WWOX: variants seen among roughly 807,000 people sequenced by gnomAD.
WWOX encodes WW domain-containing oxidoreductase.
Under a neutral mutation model 46.2 loss-of-function variants are expected in WWOX, and 69 were observed. That is an observed-to-expected ratio of 1.49 (90% CI 1.23 to 1.82). The LOEUF (loss-of-function observed/expected upper bound fraction) is 1.82. Ranked by LOEUF, WWOX falls within the 40% of genes most tolerant of loss-of-function variation. The pLI, the probability that WWOX is intolerant of heterozygous loss-of-function variation, is 0.00. For missense variants in WWOX, 919 were observed against 542.6 expected, an observed-to-expected ratio of 1.69 and a Z score of -6.89; for synonymous variants, 359 against 202.6, an observed-to-expected ratio of 1.77 and a Z score of -6.56.
At chr16:78,494,186 T>C (rs985004951) in intron 8 of WWOX, among the ~76,000 whole-genome samples, 1 of 152,104 alleles carries the variant, frequency 6.6e-6, no homozygotes, top group Non-Finnish European at 1.5e-5. Context: ...CAAACAGATC[T>C]CAGGAGAACT....
chr16:78,766,010 A>C (rs542976285), intron 8 of WWOX, among the ~76,000 whole-genome samples: 1 of 152,318 alleles, frequency 6.6e-6, no homozygotes, highest in Non-Finnish European at 1.5e-5. Context: ...GGAGAGACCC[A>C]AGTCTGCACA....
At chr16:78,424,123 T>TTTTTTTTTTTTTTTTTTTTG (rs1567564609) in intron 6 of WWOX, among the ~76,000 whole-genome samples, 2 of 118,128 alleles carry the variant, frequency 1.7e-5, no homozygotes, top group African/African-American at 6.8e-5. Flanking sequence ...TTTTTTTGTT[T>TTTTTTTTTTTTTTTTTTTTG]TTTTTTTTTT....
chr16:78,556,955 G>A (rs538586049), intron 8 of WWOX, among the ~76,000 whole-genome samples: 21 of 152,130 alleles, frequency 1.4e-4, no homozygotes, highest in African/African-American at 5.1e-4. Context: ...TTGACCTCAG[G>A]TGATTCACCC....
At chr16:78,652,517 A>G (rs1436042612) in intron 8 of WWOX, among the ~76,000 whole-genome samples, 4 of 152,080 alleles carry the variant, frequency 2.6e-5, no homozygotes, top group Non-Finnish European at 5.9e-5. Context: ...AAAAAGTTGT[A>G]ATAAATTATG....
At chr16:78,184,263 G>T (rs1187179037) in intron 5 of WWOX, among the ~76,000 whole-genome samples, 1 of 151,206 alleles carries the variant, frequency 6.6e-6, no homozygotes, top group East Asian at 2.0e-4. Flanking sequence ...GAAGTGTTTG[G>T]AGAAGTGTTT....
intron 8 of WWOX, among the ~76,000 whole-genome samples, chr16:78,834,179 C>G (rs959271615): frequency 6.6e-6 from 1 of 152,166 alleles, no homozygotes; most frequent in South Asian, 2.1e-4. Flanking sequence ...TTCCCTTCTT[C>G]TCATAAATCT....
intron 8 of WWOX, among the ~76,000 whole-genome samples, chr16:78,952,733 C>G (rs1031859989): frequency 1.3e-5 from 2 of 152,116 alleles, no homozygotes; most frequent in African/African-American, 4.8e-5. Context: ...TGACAGTACG[C>G]TCCGTAGGGC....
At chr16:78,820,847 T>C (rs560771760) in intron 8 of WWOX, among the ~76,000 whole-genome samples, 1 of 152,322 alleles carries the variant, frequency 6.6e-6, no homozygotes, top group African/African-American at 2.4e-5. Context: ...TCCTGGTTTC[T>C]GGTGACTGCT....
chr16:78,690,748 A>C (rs2047966610), intron 8 of WWOX, among the ~76,000 whole-genome samples: 1 of 152,200 alleles, frequency 6.6e-6, no homozygotes, highest in Non-Finnish European at 1.5e-5. Flanking sequence ...TCTACCATTA[A>C]GTCCCTGAAT....
At chr16:78,879,456 C>G (rs1403255406) in intron 8 of WWOX, among the ~76,000 whole-genome samples, 1 of 151,966 alleles carries the variant, frequency 6.6e-6, no homozygotes, top group African/African-American at 2.4e-5. Context: ...GATCTGCTCT[C>G]ACTTCCCCAA....
Position 78,144,466 on chromosome 16 carries a change from CACAT to C in WWOX, c.410-19715_410-19712del, listed in dbSNP as rs1333537123. 1.8e-3 allele frequency among the ~76,000 whole-genome samples: 26 copies of C among 14,360 alleles called. 4 individuals are homozygous for C. The highest frequency in any genetic ancestry group is 5.7e-3 in the African/African-American group (25 of 4,348). The allele number at this position is 14,360 out of a possible 152,430, so 9.4% of individuals were successfully genotyped here. A position where few individuals can be genotyped will look rare whatever the true frequency, so the allele number is the denominator to read the frequency against. Reference sequence around the variant, plus strand: ...ATATATACACATATATATATATACACACATATATATATATATATATACACACACA... The same window carrying C: ...ATATATACACATATATATATATACACATATATATATATATATACACACACA... On this transcript the variant is annotated intron_variant, in intron 4 of 8. Transcript: ENST00000566780.
At chr16:78,962,452 C>A (rs113668941) in intron 8 of WWOX, among the ~76,000 whole-genome samples, 2 of 151,824 alleles carry the variant, frequency 1.3e-5, no homozygotes, top group South Asian at 4.2e-4. Flanking sequence ...CAAGCTTACT[C>A]TCAGGGATGA....
rs756703833 is a variant in WWOX, at chr16:78,425,010, G to A, written c.746G>A (p.Arg249His). The change falls in exon 7 of 9, where the codon CGC (arginine) becomes CAC (histidine). Residue 249 changes from arginine to histidine, a missense_variant. By Grantham distance (29) the Arg-to-His change is conservative. Coordinates refer to ENST00000566780, the MANE Select transcript of WWOX (RefSeq NM_016373.4). Reference sequence around the variant, plus strand: ...CAGCTCCTCCAGGATGTTTTGTGCCGCTCAGCTCCTGCCCGTGTCATTGTG... The same window carrying A: ...CAGCTCCTCCAGGATGTTTTGTGCCACTCAGCTCCTGCCCGTGTCATTGTG... ...LVQLLQDVLC[R>H]SAPARVIVVS... is the part of the protein sequence containing the mutation. 31 of 1,614,026 alleles carry A rather than the reference G, an allele frequency of 1.9e-5. No individual in the cohort carries two copies. Among genetic ancestry groups the A allele is most frequent in the East Asian group, 6.7e-5 (3 of 44,858 alleles).
At chr16:78,736,688 T>C (rs560570508) in intron 8 of WWOX, among the ~76,000 whole-genome samples, 1 of 152,062 alleles carries the variant, frequency 6.6e-6, no homozygotes, top group Non-Finnish European at 1.5e-5. Flanking sequence ...GCCTCAAACT[T>C]CTAGGCTGAA....
rs1597501441 is a variant in WWOX at position 78,727,568 on chromosome 16, G to C, written c.1056+294816G>C. 2.0e-5 allele frequency among the ~76,000 whole-genome samples: 3 copies of C among 152,208 alleles called. No homozygotes were observed. The South Asian group carries it at 6.2e-4, about 32-fold the overall frequency. On this transcript the variant is annotated intron_variant, in intron 8 of 8. Transcript: ENST00000566780. ...CACAAGGTCTGGGTCCTGAGTTCCA[G>C]TCCGTGGGGGCCCTGGTGCTACTGC...
At chr16:79,109,413 T>C (rs986071246) in intron 8 of WWOX, among the ~76,000 whole-genome samples, 2 of 152,118 alleles carry the variant, frequency 1.3e-5, no homozygotes, top group African/African-American at 2.4e-5. Flanking sequence ...GTAGCGGTGA[T>C]AGGTTTTATG....
Position 79,083,843 on chromosome 16 carries a change from A to G in WWOX, c.1057-127765A>G, listed in dbSNP as rs559353116. On this transcript the variant is annotated intron_variant, in intron 8 of 8. Transcript: ENST00000566780. ...TATTTGTATAGGAGACTCTTTTGCC[A>G]GATGGTTGAAATGTTCATCCTCCTA... Among the ~76,000 whole-genome samples, 11 of 152,354 alleles carry G rather than the reference A, an allele frequency of 7.2e-5. No homozygotes were observed. The South Asian group carries it at 2.3e-3, about 32-fold the overall frequency.
At chr16:78,126,947 T>C (rs865801365) in intron 4 of WWOX, among the ~76,000 whole-genome samples, 1 of 152,194 alleles carries the variant, frequency 6.6e-6, no homozygotes, top group Non-Finnish European at 1.5e-5. Flanking sequence ...ATTCTCTCAT[T>C]TGATGAGCCT....
chr16:78,333,911 C>G (rs1016781829), intron 5 of WWOX, among the ~76,000 whole-genome samples: 8 of 150,636 alleles, frequency 5.3e-5, no homozygotes, highest in African/African-American at 1.5e-4. Context: ...AAGGTATCAT[C>G]TCCTCCCCCT....
Sources: gnomAD v4.1 joint callset for allele counts (sites outside exome capture counted in the v4.1 genomes callset) on GRCh38, gnomAD v4.1.1 for gene constraint, MANE v1.5 for transcripts, NCBI Gene and HGNC (gene_info 2026-07-23, HGNC 2026-07-21) for gene names.